CDC42: variants seen among roughly 807,000 people sequenced by gnomAD.
CDC42 encodes cell division control protein 42 homolog.
A neutral mutation model predicts 20.8 loss-of-function variants in CDC42; 1 was observed. That is an observed-to-expected ratio of 0.05 (90% CI 0.02 to 0.23). The LOEUF (loss-of-function observed/expected upper bound fraction) is 0.23, where lower values mean the gene tolerates loss of function less well. Ranked by LOEUF, CDC42 falls within the 10% of genes least tolerant of loss-of-function variation. The pLI, the probability that CDC42 is intolerant of heterozygous loss-of-function variation, is 1.00. For missense variants in CDC42, 49 were observed against 227.9 expected (o/e 0.21, Z 5.05); for synonymous variants, 72 against 84.8 (o/e 0.85, Z 0.83).
At chr1:22,061,751 A>C (rs528017098) in intron 1 of CDC42, among the ~76,000 whole-genome samples, 53 of 150,876 alleles carry the variant, frequency 3.5e-4, no homozygotes, top group African/African-American at 1.3e-3. Context: ...TCTCCACTTT[A>C]GTGGAGACCG....
chr1:22,080,219 C>G (rs888045003), intron 2 of CDC42, among the ~76,000 whole-genome samples: 1 of 152,160 alleles, frequency 6.6e-6, no homozygotes, highest in Non-Finnish European at 1.5e-5. Flanking sequence ...ATTACACTAG[C>G]ATAAGTAGAC....
At chr1:22,075,544 T>C (rs115812483) in intron 1 of CDC42, among the ~76,000 whole-genome samples, 1,682 of 152,304 alleles carry the variant, frequency 0.011, 28 homozygotes, top group African/African-American at 0.038. Context: ...AAAAGTGTTA[T>C]GAGTTCCTTT....
intron 5 of CDC42, chr1:22,090,575 T>C (rs977064110): frequency 2.6e-5 from 26 of 986,190 alleles, no homozygotes; most frequent in Non-Finnish European, 2.9e-5. Context: ...GGAGTATTTG[T>C]CAGTCTGGGG....
At chr1:22,090,016 A>G (rs760254164) in intron 5 of CDC42, 2 of 1,613,896 alleles carry the variant, frequency 1.2e-6, no homozygotes. Context: ...CCCAAAAGGA[A>G]GTGCTGTATA....
rs189929068 is a variant in CDC42 at position 22,096,120 on chromosome 1, C to T, written c.*4603C>T. On this transcript the variant is annotated 3_prime_UTR_variant, in exon 6 of 6. Transcript: ENST00000656825. ...GATTACAGGTGTCTGCCACTGCGCC[C>T]GGCTAATTTTTTGTATTTTTAAGGG... 1.5e-3 allele frequency among the ~76,000 whole-genome samples: 227 copies of T among 152,002 alleles called. No homozygotes were observed. The highest frequency in any genetic ancestry group is 2.6e-3 in the Non-Finnish European group (179 of 67,968).
intron 3 of CDC42, among the ~76,000 whole-genome samples, chr1:22,084,596 AT>A (rs1215663988): frequency 1.3e-5 from 2 of 151,026 alleles, no homozygotes; most frequent in East Asian, 3.9e-4. Flanking sequence ...ATTTGCATAT[AT>A]TTTTTCCTAT....
At position 22,086,768 on chromosome 1, in the gene CDC42, G is replaced by A; in HGVS notation, c.388G>A (p.Ala130Thr). Residue 130 changes from alanine (A) to threonine (T), a missense_variant, in exon 5 of 6, where the codon GCC (alanine) becomes ACC (threonine). Around this residue, in one of 2 missense-constraint regions of CDC42, gnomAD observed 38 missense variants for 106.6 expected, o/e 0.36. Transcript: ENST00000656825. ...TGACCCCTCTACTATTGAGAAACTT[G>A]CCAAGAACAAACAGAAGCCTATCAC... ...RDDPSTIEKL[A>T]KNKQKPITPE... 6.2e-7 allele frequency: 1 copy of A among 1,614,042 alleles called. No individual in the cohort carries two copies. Among genetic ancestry groups the A allele is most frequent in the Non-Finnish European group, 8.5e-7 (1 of 1,179,960 alleles).
chr1:22,056,613 T>C (rs1645307244), intron 1 of CDC42, among the ~76,000 whole-genome samples: 1 of 152,254 alleles, frequency 6.6e-6, no homozygotes, highest in Non-Finnish European at 1.5e-5. Flanking sequence ...TTTTCATTAC[T>C]TGCCATTTCA....
At position 22,090,353 on chromosome 1, in the gene CDC42, T is replaced by C. The variant is rs78588125; in HGVS notation, c.487-1075T>C. On this transcript the variant is annotated intron_variant, in intron 5 of 5. Coordinates refer to ENST00000656825, the MANE Select transcript of CDC42 (RefSeq NM_001791.4). ...GTCCTCTTGGAGAAAATAACAAGAG[T>C]TTTAACACTTCTAGATCTTAGTTCT... The C allele has an allele frequency of 1.8e-4, 188 of 1,056,272 alleles. 1 individual carries two copies. The African/African-American group carries it at 2.6e-3, about 15-fold the overall frequency. 65.4% of individuals were successfully genotyped at this position (1,056,272 alleles called of 1,614,324 possible). A position where few individuals can be genotyped will look rare whatever the true frequency, so the allele number is the denominator to read the frequency against.
Position 22,069,320 on chromosome 1 carries a change from T to C in CDC42, c.-50-9109T>C, listed in dbSNP as rs151015896. On this transcript the variant is annotated intron_variant, in intron 1 of 5. Coordinates refer to ENST00000656825, the MANE Select transcript of CDC42 (RefSeq NM_001791.4). ...CCTCCCAAATAGCTGGGACTACAGGTGAGCGCCATCACACCTGGCAAATTT... is the reference window on the plus strand; with the variant it reads ...CCTCCCAAATAGCTGGGACTACAGGCGAGCGCCATCACACCTGGCAAATTT... Among the ~76,000 whole-genome samples, 652 of 151,180 alleles carry C rather than the reference T, an allele frequency of 4.3e-3. 5 individuals carry two copies. Among genetic ancestry groups the C allele is most frequent in the African/African-American group, 0.014 (588 of 41,130 alleles).
intron 3 of CDC42, among the ~76,000 whole-genome samples, chr1:22,085,244 A>AAAAAAG (rs373016657): frequency 0.66 from 89,961 of 135,720 alleles, 30,988 homozygotes; most frequent in Non-Finnish European, 0.72. Flanking sequence ...AAAAAAAAAA[A>AAAAAAG]AAAAGAAAAA....
chr1:22,065,256 G>T (rs563702840), intron 1 of CDC42, among the ~76,000 whole-genome samples: 1 of 152,322 alleles, frequency 6.6e-6, no homozygotes, highest in South Asian at 2.1e-4. Context: ...AATACTTGCT[G>T]TGTGATTAGG....
rs1408985588 is a variant in CDC42 at position 22,099,709 on chromosome 1, G to A, written c.*8192G>A. On this transcript the variant is annotated 3_prime_UTR_variant, in exon 6 of 6. Coordinates refer to ENST00000656825, the MANE Select transcript of CDC42 (RefSeq NM_001791.4). ...AATATGACACCTTCTTCCTTTAGAG[G>A]ATCTAAAGGTGTAGCTTTAGAGGAT... 3.3e-5 allele frequency among the ~76,000 whole-genome samples: 5 copies of A among 152,084 alleles called. No homozygotes were observed. The highest frequency in any genetic ancestry group is 7.3e-5 in the Non-Finnish European group (5 of 68,028).
intron 2 of CDC42, among the ~76,000 whole-genome samples, chr1:22,080,204 G>A (rs1207447025): frequency 6.6e-6 from 1 of 152,200 alleles, no homozygotes; most frequent in Non-Finnish European, 1.5e-5. Context: ...TAATTACTTA[G>A]CGTAATTACA....
chr1:22,076,990 A>C (rs1645558917), intron 1 of CDC42, among the ~76,000 whole-genome samples: 2 of 151,926 alleles, frequency 1.3e-5, no homozygotes, highest in African/African-American at 4.8e-5. Context: ...TTAAAAAAAC[A>C]AAAACCAAAC....
intron 1 of CDC42, among the ~76,000 whole-genome samples, chr1:22,066,792 A>C (rs1645428875): frequency 6.6e-6 from 1 of 152,152 alleles, no homozygotes; most frequent in African/African-American, 2.4e-5. Flanking sequence ...GGCCGGGTGC[A>C]GTGGCTCACA....
chr1:22,057,584 ATG>A (rs17837999), intron 1 of CDC42, among the ~76,000 whole-genome samples: 18,835 of 151,722 alleles, frequency 0.12, 1,292 homozygotes, highest in Admixed American at 0.18. Flanking sequence ...GGGTTTCTCT[ATG>A]TTGGTCAGGC....
chr1:22,087,696 T>G (rs1297756198), intron 5 of CDC42, among the ~76,000 whole-genome samples: 4 of 152,216 alleles, frequency 2.6e-5, no homozygotes, highest in Non-Finnish European at 5.9e-5. Context: ...ACATGCCTAA[T>G]AGGGCAAGAT....
In CDC42 at chr1:22,094,541, C is replaced by T. The variant is rs1295760012; in HGVS notation, c.*3024C>T. On this transcript the variant is annotated 3_prime_UTR_variant, in exon 6 of 6. Coordinates refer to ENST00000656825, the MANE Select transcript of CDC42 (RefSeq NM_001791.4). Reference sequence around the variant, plus strand: ...CTCGATCTCCTGACCTCGTGATCCGCCCGCCTCGGCCTCCCAAAGTGCTGG... The same window carrying T: ...CTCGATCTCCTGACCTCGTGATCCGTCCGCCTCGGCCTCCCAAAGTGCTGG... Among the ~76,000 whole-genome samples, 25 of 148,224 alleles carry T rather than the reference C, an allele frequency of 1.7e-4. No individual in the cohort carries two copies. Among genetic ancestry groups the T allele is most frequent in the Admixed American group, 1.5e-3 (23 of 15,094 alleles).
Sources: gnomAD v4.1 joint callset for allele counts (sites outside exome capture counted in the v4.1 genomes callset) on GRCh38, gnomAD v4.1.1 for gene constraint, gnomAD v4.1.1 regional missense constraint, MANE v1.5 for transcripts, NCBI Gene and HGNC (gene_info 2026-07-23, HGNC 2026-07-21) for gene names.